Variants in APBB3 observed in about 807,000 individuals in gnomAD.
The protein encoded by APBB3 is amyloid beta precursor protein binding family B member 3.
APBB3 carries 50 observed loss-of-function variants against 61.5 expected under a neutral mutation model. The ratio of observed to expected loss-of-function variants is 0.81; its 90% CI spans 0.65 to 1.03. APBB3 has a LOEUF of 1.03. APBB3 is among the 50% of genes least tolerant of loss of function. The pLI, the probability that APBB3 is intolerant of heterozygous loss-of-function variation, is 0.00. For missense variants in APBB3, 550 were observed against 637.4 expected (o/e 0.86, Z 1.48); for synonymous variants, 235 against 233.0 (o/e 1.01, Z -0.08).
chr5:140,564,028 TC>T lies in APBB3; in HGVS notation c.50-114del, dbSNP rs2127135258. Reference sequence around the variant, plus strand: ...AATGGGTCAGTTCTTAGGCTGAAGATCCAGGCTCCTCAATCTTGAAGACATC... The same window carrying T: ...AATGGGTCAGTTCTTAGGCTGAAGATCAGGCTCCTCAATCTTGAAGACATC... On this transcript the variant is annotated intron_variant, in intron 1 of 12. Transcript: ENST00000357560. The surrounding 1 kb of genome is among the most constrained non-coding windows in gnomAD (Gnocchi z 5.0). 6.8e-7 allele frequency: 1 copy of T among 1,476,226 alleles called. No homozygotes were observed. Among genetic ancestry groups the T allele is most frequent in the Non-Finnish European group, 9.2e-7 (1 of 1,091,194 alleles). The allele number at this position is 1,476,226 out of a possible 1,614,324, so 91.4% of individuals were successfully genotyped here.
At position 140,564,390 on chromosome 5, in the gene APBB3, G is replaced by A. The variant is rs1261419524; in HGVS notation, c.-145C>T. Reference sequence around the variant, plus strand: ...GCCGCACAAATACGGGGCGGGACACGGGGCGGGACACGGGCCGGTCCCGGG... The same window carrying A: ...GCCGCACAAATACGGGGCGGGACACAGGGCGGGACACGGGCCGGTCCCGGG... On this transcript the variant is annotated 5_prime_UTR_variant, in exon 1 of 13. Coordinates refer to ENST00000357560, the MANE Select transcript of APBB3 (RefSeq NM_133173.3). The surrounding 1 kb of genome is among the most constrained non-coding windows in gnomAD (Gnocchi z 5.0). 1.3e-5 allele frequency: 13 copies of A among 976,090 alleles called. No homozygotes were observed. The highest frequency in any genetic ancestry group is 1.1e-4 in the African/African-American group (7 of 62,086). The allele number at this position is 976,090 out of a possible 1,614,324, so 60.5% of individuals were successfully genotyped here.
In APBB3 at chr5:140,560,198, A is replaced by G. The variant is rs1754881451; in HGVS notation, c.1224+115T>C. ...AACATGAGGGCCAAAACATTAATGA[A>G]CCAGAATCAGCCCAGGTTTGTGATC... On this transcript the variant is annotated intron_variant, in intron 12 of 12. Transcript: ENST00000357560. This position sits in a 1 kb window ranked among gnomAD's most constrained non-coding sequence, Gnocchi z 5.1. 3.3e-6 allele frequency: 4 copies of G among 1,200,414 alleles called. No individual in the cohort carries two copies. The East Asian group carries it at 7.3e-5, about 22-fold the overall frequency. The allele number at this position is 1,200,414 out of a possible 1,614,324, so 74.4% of individuals were successfully genotyped here. A position where few individuals can be genotyped will look rare whatever the true frequency, so the allele number is the denominator to read the frequency against.
Position 140,560,356 on chromosome 5 carries a change from G to A in APBB3, c.1181C>T (p.Pro394Leu). Residue 394 changes from proline to leucine, a missense_variant, in exon 12 of 13, where the codon CCC becomes CTC. Transcript: ENST00000357560. This position sits in a 1 kb window ranked among gnomAD's most constrained non-coding sequence, Gnocchi z 5.1. ...AGCTTCAGAGAGTCCCCCTGCATGG[G>A]GCTGGCACCAGAAGGCTGCGCACTG... Reference protein sequence around the residue: ...SFQCAAFWCQPHAGGLSEAVQ... With the variant: ...SFQCAAFWCQLHAGGLSEAVQ... 1 of 1,614,222 alleles carries A rather than the reference G, an allele frequency of 6.2e-7. No homozygotes were observed. The highest frequency in any genetic ancestry group is 8.5e-7 in the Non-Finnish European group (1 of 1,180,044).
chr5:140,561,723 C>A (rs1754963214), intron 7 of APBB3, 22 bp from the exon 8 acceptor site: 1 of 1,614,058 alleles, frequency 6.2e-7, no homozygotes, highest in African/African-American at 1.3e-5. Flanking sequence ...AGAGATGGGG[C>A]TGGGGTAGAA....
chr5:140,558,770 C>G lies in APBB3; in HGVS notation c.1276G>C (p.Gly426Arg). ...CGCAGGCGGGCACGGGCCTGGGCAC[C>G]CCAGGCCTTGCCTCGAGCTGCAGAG... ...VASAARGKAWGAQARARLRLK... is the reference protein window; with the variant it reads ...VASAARGKAWRAQARARLRLK... The change falls in exon 13 of 13, where the codon GGT becomes CGT. Residue 426 changes from glycine to arginine, a missense_variant. Physicochemically the swap from Gly to Arg is moderately radical, Grantham distance 125. Coordinates refer to ENST00000357560, the MANE Select transcript of APBB3 (RefSeq NM_133173.3). The G allele has an allele frequency of 6.2e-7, 1 of 1,610,448 alleles. No individual in the cohort carries two copies. Among genetic ancestry groups the G allele is most frequent in the Non-Finnish European group, 8.5e-7 (1 of 1,179,088 alleles).
At chr5:140,563,986 C>T in intron 1 of APBB3, 71 bp from the exon 2 acceptor site, 1 of 1,564,750 alleles carries the variant, frequency 6.4e-7, no homozygotes, top group Non-Finnish European at 8.7e-7. Context: ...CTGTCATAAT[C>T]CCCTCTCCAT....
chr5:140,560,274 C>T lies in APBB3; in HGVS notation c.1224+39G>A, dbSNP rs779636507. 3.8e-6 allele frequency: 6 copies of T among 1,593,894 alleles called. No homozygotes were observed. Among genetic ancestry groups the T allele is most frequent in the Middle Eastern group, 1.7e-4 (1 of 5,810 alleles). ...CCAAGTAAACAGTGGAGAGCAGCTG[C>T]AGGGCAATCCCACCAACCCATTCCC... is the stretch of plus-strand genomic sequence containing the variant. On this transcript the variant is annotated intron_variant, in intron 12 of 12. Transcript: ENST00000357560. The surrounding 1 kb of genome is among the most constrained non-coding windows in gnomAD (Gnocchi z 5.1).
intron 8 of APBB3, 52 bp from the exon 9 acceptor site, chr5:140,561,501 T>G (rs1290687549): frequency 1.2e-6 from 2 of 1,613,150 alleles, no homozygotes; most frequent in Admixed American, 1.7e-5. Context: ...GGAATTAGGG[T>G]AAAAGGGCCA....
chr5:140,562,404 C>CTGCTGGATACAG lies in APBB3; in HGVS notation c.435_446dup (p.Gln148_Gln149insHisCysIleGln). 1.9e-6 allele frequency: 3 copies of CTGCTGGATACAG among 1,614,210 alleles called. No homozygotes were observed. Among genetic ancestry groups the CTGCTGGATACAG allele is most frequent in the Non-Finnish European group, 2.5e-6 (3 of 1,180,046 alleles). ...GGCTCCGGCTGCGGGTCTGGGCCAG[C>CTGCTGGATACAG]TGCTGGATACAGTTATTGACTGCAA... On this transcript the variant is annotated inframe_insertion, in exon 5 of 13. Transcript: ENST00000357560.
rs1754902717 is a variant in APBB3, at chr5:140,560,540, C to T, written c.1033-36G>A. The T allele has an allele frequency of 6.2e-7, 1 of 1,606,808 alleles. No individual in the cohort carries two copies. Among genetic ancestry groups the T allele is most frequent in the African/African-American group, 1.3e-5 (1 of 74,842 alleles). On this transcript the variant is annotated intron_variant, in intron 11 of 12. Coordinates refer to ENST00000357560, the MANE Select transcript of APBB3 (RefSeq NM_133173.3). The surrounding 1 kb of genome is among the most constrained non-coding windows in gnomAD (Gnocchi z 5.1). ...CAGGCCTAGTCACTAGAGGGCCAAG[C>T]ACGGGCCAGACCCACTTAACTTTTC...
At chr5:140,562,921 G>A (rs1029036936) in intron 3 of APBB3, 198 bp from the exon 4 acceptor site, 39 of 592,722 alleles carry the variant, frequency 6.6e-5, no homozygotes, top group Non-Finnish European at 1.5e-5. Flanking sequence ...GAAAATTCAG[G>A]ACATAGGACC....
At chr5:140,558,964 C>A in intron 12 of APBB3, 143 bp from the exon 13 acceptor site, 1 of 727,844 alleles carries the variant, frequency 1.4e-6, no homozygotes, top group Non-Finnish European at 2.4e-6. Flanking sequence ...TAGAGCATTC[C>A]CAGGTAGCTC....
Position 140,563,920 on chromosome 5 carries a change from AG to A in APBB3, c.50-6del, listed in dbSNP as rs1284500601. 9.9e-6 allele frequency: 16 copies of A among 1,612,962 alleles called. No homozygotes were observed. Among genetic ancestry groups the A allele is most frequent in the African/African-American group, 1.3e-5 (1 of 74,920 alleles). On this transcript the variant is annotated splice_region_variant and splice_polypyrimidine_tract_variant and intron_variant, in intron 1 of 12. Coordinates refer to ENST00000357560, the MANE Select transcript of APBB3 (RefSeq NM_133173.3). Reference sequence around the variant, plus strand: ...TGTGGTCCCCCCACAAGTCATCTACAGGAACACCGGATTAGAGAGGAGGGAG... The same window carrying A: ...TGTGGTCCCCCCACAAGTCATCTACAGAACACCGGATTAGAGAGGAGGGAG...
rs992076411 is a variant in APBB3 at position 140,563,756 on chromosome 5, C to G, written c.209G>C (p.Gly70Ala). 1.2e-6 allele frequency: 2 copies of G among 1,614,008 alleles called. No homozygotes were observed. Among genetic ancestry groups the G allele is most frequent in the African/African-American group, 2.7e-5 (2 of 74,922 alleles). The change falls in exon 2 of 13, where the codon GGC becomes GCC. Residue 70 changes from glycine (G) to alanine (A), a missense_variant. Physicochemically the swap from Gly to Ala is moderately conservative, Grantham distance 60. This residue lies in a region of APBB3 where 405 missense variants were observed against 483.4 expected (regional missense o/e 0.84). Coordinates refer to ENST00000357560, the MANE Select transcript of APBB3 (RefSeq NM_133173.3). ...TWELGDAEDPGTGTEGIWGLR... is the reference protein window; with the variant it reads ...TWELGDAEDPATGTEGIWGLR... ...TCCTCCTCACACTCTACCTACCGTG[C>G]CTGGGTCCTCTGCATCTCCTAGTTC...
In APBB3 at chr5:140,558,401, T is replaced by C. The variant is rs1754789303; in HGVS notation, c.*184A>G. On this transcript the variant is annotated 3_prime_UTR_variant, in exon 13 of 13. Transcript: ENST00000357560. ...AAAGGGGAGCCAGGGTCCTACGTTG[T>C]GGTGCAGTGCCTCCCAGTCATCCGT... The C allele has an allele frequency of 5.5e-6, 4 of 728,478 alleles. No individual in the cohort carries two copies. Among genetic ancestry groups the C allele is most frequent in the Admixed American group, 4.4e-5 (2 of 44,964 alleles). 45.1% of individuals were successfully genotyped at this position (728,478 alleles called of 1,614,324 possible).
Position 140,561,121 on chromosome 5 carries a change from T to G in APBB3, c.833-20A>C. ...GCTCCACTGAAATATACACACCAAG[T>G]TGGCCTGGAAGCTCTTTCAATTACC... On this transcript the variant is annotated intron_variant, in intron 9 of 12. Transcript: ENST00000357560. The G allele has an allele frequency of 6.2e-7, 1 of 1,613,944 alleles. No homozygotes were observed. The highest frequency in any genetic ancestry group is 8.5e-7 in the Non-Finnish European group (1 of 1,179,912).
intron 12 of APBB3, among the ~76,000 whole-genome samples, chr5:140,559,380 T>C (rs1166331863): frequency 6.6e-6 from 1 of 152,170 alleles, no homozygotes; most frequent in Non-Finnish European, 1.5e-5. Context: ...TCCTACCTCC[T>C]ATTACGTCCT....
In APBB3 at chr5:140,563,871, G is replaced by A. The variant is rs775988405; in HGVS notation, c.94C>T (p.Pro32Ser). ...DHSLEVEAGL[P>S]PGWRKIHDAA... is the part of the protein sequence containing the mutation. ...TCGTGGATCTTCCTCCAGCCAGGAGGCAGGCCAGCCTCCACCTCCAGACTG... is the reference window on the plus strand; with the variant it reads ...TCGTGGATCTTCCTCCAGCCAGGAGACAGGCCAGCCTCCACCTCCAGACTG... The change falls in exon 2 of 13, where the codon CCT becomes TCT. Residue 32 changes from proline (P) to serine (S), a missense_variant. By Grantham distance (74) the Pro-to-Ser change is moderately conservative. Transcript: ENST00000357560. 2 of 1,614,116 alleles carry A rather than the reference G, an allele frequency of 1.2e-6. No homozygotes were observed. Among genetic ancestry groups the A allele is most frequent in the Admixed American group, 3.3e-5 (2 of 60,016 alleles).
rs958640795 is a variant in APBB3, at chr5:140,564,068, G to A, written c.49+129C>T. The A allele has an allele frequency of 8.2e-6, 12 of 1,465,766 alleles. No individual in the cohort carries two copies. The African/African-American group carries it at 1.3e-4, about 15-fold the overall frequency. 90.8% of individuals were successfully genotyped at this position (1,465,766 alleles called of 1,614,324 possible). ...CTTGAAGACATCACATGTAAAGACC[G>A]GGTTCATTCGCCCCCTGGTCCCTAC... On this transcript the variant is annotated intron_variant, in intron 1 of 12. Transcript: ENST00000357560. This position sits in a 1 kb window ranked among gnomAD's most constrained non-coding sequence, Gnocchi z 5.0.
Sources: gnomAD v4.1 joint callset for allele counts (sites outside exome capture counted in the v4.1 genomes callset) on GRCh38, gnomAD v4.1.1 for gene constraint, gnomAD v4.1.1 regional missense constraint, Gnocchi (gnomAD v3.1) non-coding constraint, MANE v1.5 for transcripts, NCBI Gene and HGNC (gene_info 2026-07-23, HGNC 2026-07-21) for gene names.